The following NFASC variants were observed in gnomAD, a reference collection of about 807,000 sequenced individuals.
NFASC encodes neurofascin homolog.
In NFASC, 43 loss-of-function variants were observed where a neutral mutation model predicts 147.5. The ratio of observed to expected loss-of-function variants is 0.29; its 90% CI spans 0.23 to 0.38. The LOEUF (loss-of-function observed/expected upper bound fraction) is 0.38. Among genes scored for constraint, NFASC ranks in the 10% least tolerant of loss-of-function variants. The pLI, the probability that NFASC is intolerant of heterozygous loss-of-function variation, is 1.00. For missense variants in NFASC, 1,320 were observed against 1,689.0 expected, an observed-to-expected ratio of 0.78 and a Z score of 3.83; for synonymous variants, 622 against 665.5, an observed-to-expected ratio of 0.93 and a Z score of 1.01.
intron 21 of NFASC, 61 bp downstream of exon 21, chr1:204,982,081 C>T (rs2278796): frequency 0.29 from 330,678 of 1,154,908 alleles, 50,122 homozygotes; most frequent in Middle Eastern, 0.35. Flanking sequence ...CACGAGGCCA[C>T]GCTCACAGGC....
At chr1:204,920,427 C>CTTTTTTTTTTTTTTT (rs11381518) in intron 1 of NFASC, among the ~76,000 whole-genome samples, 1 of 119,600 alleles carries the variant, frequency 8.4e-6, no homozygotes, top group Non-Finnish European at 1.7e-5. Flanking sequence ...AGGATCTGTC[C>CTTTTTTTTTTTTTTT]TTTTTTTTTT....
At chr1:204,830,459 A>C (rs190186990) in intron 1 of NFASC, among the ~76,000 whole-genome samples, 16 of 152,248 alleles carry the variant, frequency 1.1e-4, no homozygotes, top group Admixed American at 7.8e-4. Context: ...TGCAGGAAGA[A>C]TTGAAGGAGA....
At chr1:204,993,696 C>A (rs943258485) in intron 24 of NFASC, 8 of 496,752 alleles carry the variant, frequency 1.6e-5, no homozygotes, top group African/African-American at 1.6e-4. Flanking sequence ...ATGGTCTCCA[C>A]TGAGCACTGG....
rs1016671913 is a variant in NFASC at position 204,954,398 on chromosome 1, G to A, written c.412+14G>A. 6.2e-6 allele frequency: 10 copies of A among 1,610,636 alleles called. No individual in the cohort carries two copies. The highest frequency in any genetic ancestry group is 7.6e-6 in the Non-Finnish European group (9 of 1,177,810). ...TGCAGGTGTCTAGTGAGTAGCGTGG[G>A]GCAGGGCTGAAATGCCCTGCTCCTG... On this transcript the variant is annotated intron_variant, in intron 6 of 29. Coordinates refer to ENST00000339876, the MANE Select transcript of NFASC (RefSeq NM_001005388.3). The surrounding 1 kb of genome is among the most constrained non-coding windows in gnomAD (Gnocchi z 5.7).
At chr1:204,849,524 T>G (rs2075478317) in intron 1 of NFASC, among the ~76,000 whole-genome samples, 1 of 152,130 alleles carries the variant, frequency 6.6e-6, no homozygotes, top group African/African-American at 2.4e-5. Flanking sequence ...TTCTGACAGG[T>G]TCACAGGTTC....
At chr1:204,983,887 C>T in intron 21 of NFASC, 1 of 621,820 alleles carries the variant, frequency 1.6e-6, no homozygotes. Context: ...CAAGTACTGT[C>T]TCATGGAGGA....
At chr1:204,974,040 G>T (rs2095337274) in intron 12 of NFASC, 139 bp from the exon 13 acceptor site, 2 of 650,758 alleles carry the variant, frequency 3.1e-6, no homozygotes, top group Non-Finnish European at 5.4e-6. Context: ...GCTTCCTGAA[G>T]GAGGGAAGGT....
chr1:204,902,305 A>T (rs1411969801), intron 1 of NFASC, among the ~76,000 whole-genome samples: 1 of 152,180 alleles, frequency 6.6e-6, no homozygotes, highest in African/African-American at 2.4e-5. Flanking sequence ...TAAAGAAAAA[A>T]AGAGGGAGGC....
In NFASC at chr1:204,976,789, G is replaced by T. The variant is rs113197466; in HGVS notation, c.1825G>T (p.Val609Leu). The T allele has an allele frequency of 1.2e-6, 2 of 1,613,336 alleles. No individual in the cohort carries two copies. The highest frequency in any genetic ancestry group is 2.2e-5 in the South Asian group (2 of 90,936). The change falls in exon 16 of 30, where the codon GTG becomes TTG. Residue 609 changes from valine (V) to leucine (L), a missense_variant. Around this residue, in one of 3 missense-constraint regions of NFASC, gnomAD observed 981 missense variants for 1,289.5 expected, o/e 0.76. Transcript: ENST00000339876. ...DQDLAKAYLTVLADQATPTNR... is the reference protein window; with the variant it reads ...DQDLAKAYLTLLADQATPTNR... Reference sequence around the variant, plus strand: ...AGACCTGGCCAAGGCCTACCTCACCGTGCTAGGTAACTGCCCATGCTCACC... The same window carrying T: ...AGACCTGGCCAAGGCCTACCTCACCTTGCTAGGTAACTGCCCATGCTCACC...
At chr1:204,942,015 T>C (rs753689207) in intron 2 of NFASC, among the ~76,000 whole-genome samples, 3 of 152,198 alleles carry the variant, frequency 2.0e-5, no homozygotes, top group Non-Finnish European at 4.4e-5. Flanking sequence ...CATTTTTTCA[T>C]CCATCCATAT....
intron 1 of NFASC, among the ~76,000 whole-genome samples, chr1:204,885,410 C>G (rs1379938007): frequency 6.6e-6 from 1 of 152,074 alleles, no homozygotes; most frequent in Non-Finnish European, 1.5e-5. Flanking sequence ...GCATGGTACA[C>G]TGGGCACCTC....
rs745644894 is a variant in NFASC, at chr1:204,980,439, C to T, written c.2246C>T (p.Thr749Met). 2.2e-5 allele frequency: 35 copies of T among 1,610,482 alleles called. 1 individual carries two copies. The highest frequency in any genetic ancestry group is 1.7e-4 in the South Asian group (15 of 90,676). The change falls in exon 20 of 30, where the codon ACG (threonine) becomes ATG (methionine). Residue 749 changes from threonine (T) to methionine (M), a missense_variant and splice_region_variant. Transcript: ENST00000339876. ...AAGAACAACATGGAGATCACGTGGA[C>T]GGTAAGAGGCCCTCCCAGCCCCAGT... ...TRKNNMEITW[T>M]PMNATSAFGP... is the part of the protein sequence containing the mutation.
chr1:204,939,038 A>ATGTATGTGTGTGTGTGTGTG (rs772779672), intron 2 of NFASC, among the ~76,000 whole-genome samples: 8 of 123,746 alleles, frequency 6.5e-5, no homozygotes, highest in South Asian at 3.0e-4. Context: ...GTATGGATGG[A>ATGTATGTGTGTGTGTGTGTG]TGTGTGTGTG....
At chr1:204,949,794 C>T (rs1000972550) in intron 3 of NFASC, among the ~76,000 whole-genome samples, 1 of 152,206 alleles carries the variant, frequency 6.6e-6, no homozygotes, top group African/African-American at 2.4e-5. Flanking sequence ...CAGATACATA[C>T]ATCCACCTGC....
rs1300727855 is a variant in NFASC at position 204,986,383 on chromosome 1, C to T, written c.2471-1035C>T. Among the ~76,000 whole-genome samples the T allele has an allele frequency of 5.3e-5, 8 of 152,314 alleles. No homozygotes were observed. Among genetic ancestry groups the T allele is most frequent in the Non-Finnish European group, 1.0e-4 (7 of 68,022 alleles). On this transcript the variant is annotated intron_variant, in intron 21 of 29. Coordinates refer to ENST00000339876, the MANE Select transcript of NFASC (RefSeq NM_001005388.3). This position sits in a 1 kb window ranked among gnomAD's most constrained non-coding sequence, Gnocchi z 4.2. ...CAGACGGGTTATGCAGACTGATCCCCGAGGGCACGGCGGGCACCTGGGCCA... is the reference window on the plus strand; with the variant it reads ...CAGACGGGTTATGCAGACTGATCCCTGAGGGCACGGCGGGCACCTGGGCCA...
chr1:204,903,903 A>G (rs1443282171), intron 1 of NFASC, among the ~76,000 whole-genome samples: 1 of 152,134 alleles, frequency 6.6e-6, no homozygotes, highest in Non-Finnish European at 1.5e-5. Flanking sequence ...TATCTTTCAC[A>G]GGGTTGTAGG....
chr1:204,947,775 T>G (rs1411190456), intron 3 of NFASC, among the ~76,000 whole-genome samples: 1 of 152,070 alleles, frequency 6.6e-6, no homozygotes, highest in Non-Finnish European at 1.5e-5. Flanking sequence ...AGCATTTTCC[T>G]CCCAGAAGTG....
chr1:204,944,472 G>GGGTTGGC, intron 3 of NFASC, 66 bp downstream of exon 3: 2 of 402,578 alleles, frequency 5.0e-6, no homozygotes, highest in East Asian at 6.4e-5. Context: ...GGAGGGGAGG[G>GGGTTGGC]AAGGTCAGAG....
At position 204,859,232 on chromosome 1, in the gene NFASC, C is replaced by T. The variant is rs545343290; in HGVS notation, c.-200+30450C>T. ...ACCTCAGGTGATCCACCCACCTCGGCGAATGCACTGACTTCTAACCATGCT... is the reference window on the plus strand; with the variant it reads ...ACCTCAGGTGATCCACCCACCTCGGTGAATGCACTGACTTCTAACCATGCT... On this transcript the variant is annotated intron_variant, in intron 1 of 29. Transcript: ENST00000339876. 1.1e-4 allele frequency among the ~76,000 whole-genome samples: 17 copies of T among 152,292 alleles called. No homozygotes were observed. The South Asian group carries it at 1.5e-3, about 13-fold the overall frequency.
Sources: allele counts gnomAD v4.1 joint callset (sites outside exome capture counted in the v4.1 genomes callset), GRCh38; gene constraint gnomAD v4.1.1; regional missense constraint gnomAD v4.1.1; non-coding constraint Gnocchi (gnomAD v3.1); transcripts MANE v1.5; gene names NCBI Gene and HGNC (gene_info 2026-07-23, HGNC 2026-07-21).